CDH3: variants seen among roughly 807,000 people sequenced by gnomAD.
The protein encoded by CDH3 is cadherin-3.
A neutral mutation model predicts 82.0 loss-of-function variants in CDH3; 54 were observed. That is an observed-to-expected ratio of 0.66 (90% CI 0.53 to 0.83). The LOEUF is 0.83. CDH3 is among the 40% of genes least tolerant of loss of function. The probability of loss-of-function intolerance (pLI) is 0.00; values close to 1 mark genes in which losing one functional copy is unlikely to be tolerated. For synonymous variants in CDH3, 446 were observed against 437.9 expected, an observed-to-expected ratio of 1.02 and a Z score of -0.23; for missense variants, 1,054 against 1,084.6, an observed-to-expected ratio of 0.97 and a Z score of 0.40.
chr16:68,715,040 A>G (rs1180113841), intron 1 of CDH3, among the ~76,000 whole-genome samples: 1 of 151,964 alleles, frequency 6.6e-6, no homozygotes. Context: ...ACCTCATAAG[A>G]GAGGTACTAT....
intron 15 of CDH3, among the ~76,000 whole-genome samples, chr16:68,697,655 T>G (rs1961769820): frequency 6.6e-6 from 1 of 152,222 alleles, no homozygotes; most frequent in Non-Finnish European, 1.5e-5. Context: ...ATTCTCCAGA[T>G]AATTTAAGTT....
chr16:68,718,822 A>G (rs895707135), intron 1 of CDH3, among the ~76,000 whole-genome samples: 1 of 152,246 alleles, frequency 6.6e-6, no homozygotes, highest in African/African-American at 2.4e-5. Context: ...AAAGACGCAT[A>G]CATGTTCCTA....
Position 68,698,878 on chromosome 16 carries a change from G to C in CDH3, c.*478G>C, listed in dbSNP as rs186560272. ...GGCCGTCCTGCATTTCTGGTTTCCAGACCCCAATGCCTCCCATTCGGATGG... is the reference window on the plus strand; with the variant it reads ...GGCCGTCCTGCATTTCTGGTTTCCACACCCCAATGCCTCCCATTCGGATGG... On this transcript the variant is annotated 3_prime_UTR_variant, in exon 16 of 16. Coordinates refer to ENST00000264012, the MANE Select transcript of CDH3 (RefSeq NM_001793.6). 6 of 169,680 alleles carry C rather than the reference G, an allele frequency of 3.5e-5. No homozygotes were observed. Among genetic ancestry groups the C allele is most frequent in the African/African-American group, 1.4e-4 (6 of 41,702 alleles). The allele number at this position is 169,680 out of a possible 1,614,324, so 10.5% of individuals were successfully genotyped here.
chr16:68,681,865 T>G (rs1328466784), intron 8 of CDH3, among the ~76,000 whole-genome samples: 1 of 152,146 alleles, frequency 6.6e-6, no homozygotes, highest in African/African-American at 2.4e-5. Flanking sequence ...AATAAATAAA[T>G]TTTTTGTTCC....
chr16:68,707,243 G>T lies in CDH3; in HGVS notation c.99+11320G>T, dbSNP rs1961976183. Among the ~76,000 whole-genome samples, 2 of 152,208 alleles carry T rather than the reference G, an allele frequency of 1.3e-5. No homozygotes were observed. Among genetic ancestry groups the T allele is most frequent in the African/African-American group, 4.8e-5 (2 of 41,458 alleles). On this transcript the variant is annotated intron_variant, in intron 1 of 2. Coordinates refer to the CDH3 transcript ENST00000569080. This position sits in a 1 kb window ranked among gnomAD's most constrained non-coding sequence, Gnocchi z 4.5. ...TGGAGCAGAGGGACGGGTTGAGATG[G>T]GTCGAGAGTGTGTGCAGAGATGAGG...
chr16:68,670,387 C>T (rs1317562709), intron 2 of CDH3, among the ~76,000 whole-genome samples: 1 of 152,120 alleles, frequency 6.6e-6, no homozygotes, highest in Non-Finnish European at 1.5e-5. Context: ...ACCCCTCACC[C>T]CCAGCCCTAG....
chr16:68,670,338 C>T (rs989223175), intron 2 of CDH3, among the ~76,000 whole-genome samples: 3 of 152,016 alleles, frequency 2.0e-5, no homozygotes, highest in Non-Finnish European at 4.4e-5. Flanking sequence ...ATTCTAATTC[C>T]AAGCTGTTCG....
chr16:68,683,790 G>A (rs571266986), intron 9 of CDH3, among the ~76,000 whole-genome samples: 59 of 151,618 alleles, frequency 3.9e-4, no homozygotes, highest in Middle Eastern at 3.4e-3. Flanking sequence ...CGCTGGGGCC[G>A]GGCACGATTG....
At chr16:68,729,675 C>T (rs979722244), downstream of CDH3, among the ~76,000 whole-genome samples, 8 of 152,044 alleles carry the variant, frequency 5.3e-5, no homozygotes, top group East Asian at 1.9e-4. Context: ...CTCTCTTGCC[C>T]GGCTGGAGTG....
chr16:68,708,568 GA>G (rs1961991534), intron 1 of CDH3, among the ~76,000 whole-genome samples: 2 of 152,052 alleles, frequency 1.3e-5, no homozygotes, highest in South Asian at 4.1e-4. Context: ...ATCCTCCTTA[GA>G]ATTGCAGCCC....
downstream of CDH3, among the ~76,000 whole-genome samples, chr16:68,731,409 TATATACATATACACATATATACAC>T (rs1962289172): frequency 1.8e-5 from 1 of 55,206 alleles, no homozygotes; most frequent in Non-Finnish European, 3.1e-5. Context: ...TATATATATA[TATATACATATACACATATATACAC>T]ATATATATAC....
At chr16:68,721,229 C>CTTTTTTTTT in intron 1 of CDH3, among the ~76,000 whole-genome samples, 1 of 114,576 alleles carries the variant, frequency 8.7e-6, no homozygotes, top group Non-Finnish European at 1.7e-5. Context: ...GCAGTTTAGT[C>CTTTTTTTTT]TTTTTTTTTT....
At chr16:68,727,824 G>A (rs76973512), downstream of CDH3, among the ~76,000 whole-genome samples, 389 of 152,056 alleles carry the variant, frequency 2.6e-3, 15 homozygotes, top group East Asian at 0.066. Flanking sequence ...CAGGAGAATC[G>A]CTTGAAATCG....
At chr16:68,694,664 G>A (rs1961663582) in intron 13 of CDH3, among the ~76,000 whole-genome samples, 1 of 151,736 alleles carries the variant, frequency 6.6e-6, no homozygotes, top group South Asian at 2.1e-4. Flanking sequence ...TTCCACGTAA[G>A]TTTAGATTAC....
At chr16:68,715,505 G>A (rs751307250) in intron 1 of CDH3, among the ~76,000 whole-genome samples, 6 of 152,090 alleles carry the variant, frequency 3.9e-5, no homozygotes, top group Admixed American at 6.5e-5. Flanking sequence ...AGGAACTGGG[G>A]CGATGTTCAA....
intron 2 of CDH3, among the ~76,000 whole-genome samples, chr16:68,671,933 C>T (rs1960893192): frequency 6.6e-6 from 1 of 152,068 alleles, no homozygotes; most frequent in South Asian, 2.1e-4. Context: ...GGACACAACT[C>T]GTGTTAAGGG....
At chr16:68,671,661 A>G (rs1196690123) in intron 2 of CDH3, among the ~76,000 whole-genome samples, 1 of 151,024 alleles carries the variant, frequency 6.6e-6, no homozygotes, top group Non-Finnish European at 1.5e-5. Context: ...AGCTGGGACT[A>G]CAGGCGCAGG....
Position 68,678,549 on chromosome 16 carries a change from G to C in CDH3, c.439G>C (p.Gly147Arg). 1 of 1,614,232 alleles carries C rather than the reference G, an allele frequency of 6.2e-7. No homozygotes were observed. Among genetic ancestry groups the C allele is most frequent in the Non-Finnish European group, 8.5e-7 (1 of 1,180,030 alleles). The change falls in exon 5 of 16, where the codon GGG (glycine) becomes CGG (arginine). Residue 147 changes from glycine to arginine, a missense_variant. Coordinates refer to ENST00000264012, the MANE Select transcript of CDH3 (RefSeq NM_001793.6). ...CACCAAGATTTTCTACAGCATCACG[G>C]GGCCGGGGGCAGACAGCCCCCCTGA... is the stretch of plus-strand genomic sequence containing the variant. ...RDTKIFYSIT[G>R]PGADSPPEGV...
Position 68,695,365 on chromosome 16 carries a change from G to A in CDH3, c.2113G>A (p.Gly705Arg), listed in dbSNP as rs763142765. 8.7e-6 allele frequency: 14 copies of A among 1,612,852 alleles called. No individual in the cohort carries two copies. Among genetic ancestry groups the A allele is most frequent in the Non-Finnish European group, 1.0e-5 (12 of 1,179,548 alleles). Reference sequence around the variant, plus strand: ...CAACGTCTTCTACTATGGCGAAGAGGGGGGTGGCGAAGAGGACCAGGTGGG... The same window carrying A: ...CAACGTCTTCTACTATGGCGAAGAGAGGGGTGGCGAAGAGGACCAGGTGGG... The part of the protein sequence containing the change: ...RDNVFYYGEE[G>R]GGEEDQDYDI... The change falls in exon 14 of 16, where the codon GGG becomes AGG. Residue 705 changes from glycine (G) to arginine (R), a missense_variant. Coordinates refer to ENST00000264012, the MANE Select transcript of CDH3 (RefSeq NM_001793.6).
Sources: allele counts gnomAD v4.1 joint callset (sites outside exome capture counted in the v4.1 genomes callset), GRCh38; gene constraint gnomAD v4.1.1; non-coding constraint Gnocchi (gnomAD v3.1); transcripts MANE v1.5; gene names NCBI Gene and HGNC (gene_info 2026-07-23, HGNC 2026-07-21).